The following KANSL1L variants were observed in gnomAD, a reference collection of about 807,000 sequenced individuals.
The protein encoded by KANSL1L is KAT8 regulatory NSL complex subunit 1 like, also known as KAT8 regulatory NSL complex subunit 1-like protein.
In KANSL1L, 25 loss-of-function variants were observed where a neutral mutation model predicts 108.6. The ratio of observed to expected loss-of-function variants is 0.23; its 90% confidence interval spans 0.17 to 0.32. The LOEUF (loss-of-function observed/expected upper bound fraction) is 0.32. KANSL1L is among the 10% of genes least tolerant of loss of function. The probability of loss-of-function intolerance (pLI) is 1.00; values close to 1 mark genes in which losing one functional copy is unlikely to be tolerated. For missense variants in KANSL1L, 1,137 were observed against 1,125.7 expected (o/e 1.01, Z -0.14); for synonymous variants, 405 against 395.1 (o/e 1.03, Z -0.30).
chr2:210,118,261 G>A (rs1482011915), intron 3 of KANSL1L, among the ~76,000 whole-genome samples: 1 of 150,948 alleles, frequency 6.6e-6, no homozygotes, highest in Admixed American at 6.6e-5. Context: ...TTGAGGTCAG[G>A]AGTTCAAGAC....
chr2:210,065,091 C>G (rs1041367901), intron 6 of KANSL1L, among the ~76,000 whole-genome samples: 1 of 151,194 alleles, frequency 6.6e-6, no homozygotes, highest in African/African-American at 2.4e-5. Context: ...GTTAGGAGTT[C>G]GAGACCAGCA....
At chr2:210,155,807 C>T (rs1050000572) in intron 1 of KANSL1L, among the ~76,000 whole-genome samples, 1 of 152,052 alleles carries the variant, frequency 6.6e-6, no homozygotes, top group Non-Finnish European at 1.5e-5. Flanking sequence ...ACCTGATATG[C>T]CAAAATTTTT....
At chr2:210,023,644 G>T (rs1168903243) in intron 14 of KANSL1L, among the ~76,000 whole-genome samples, 1 of 152,212 alleles carries the variant, frequency 6.6e-6, no homozygotes, top group East Asian at 1.9e-4. Flanking sequence ...TATGGATGCA[G>T]TGTTAGAAAG....
rs745707638 is a variant in KANSL1L at position 210,104,196 on chromosome 2, C to A, written c.1336G>T (p.Val446Phe). 2.5e-6 allele frequency: 4 copies of A among 1,612,822 alleles called. No individual in the cohort carries two copies. Among genetic ancestry groups the A allele is most frequent in the South Asian group, 1.1e-5 (1 of 91,058 alleles). ...ACAGGATCTTGACACTCCTGGGGAA[C>A]CTGAGGATTCCCTAGAATGTTTAGT... ...ASLNILGNPQ[V>F]PQECQDPVPE... The change falls in exon 4 of 15, where the codon GTT (valine) becomes TTT (phenylalanine). Residue 446 changes from valine to phenylalanine, a missense_variant. By Grantham distance (50) the Val-to-Phe change is conservative. Transcript: ENST00000281772.
At chr2:210,065,483 TG>T (rs1169120839) in intron 6 of KANSL1L, among the ~76,000 whole-genome samples, 1 of 151,458 alleles carries the variant, frequency 6.6e-6, no homozygotes, top group African/African-American at 2.4e-5. Context: ...AGTAAAACTG[TG>T]GCCTCAGTGT....
In KANSL1L at chr2:210,025,124, C is replaced by G; in HGVS notation, c.2544G>C (p.Lys848Asn). The change falls in exon 13 of 15, where the codon AAG becomes AAC. Residue 848 changes from lysine to asparagine, a missense_variant. Physicochemically the swap from Lys to Asn is moderately conservative, Grantham distance 94. This residue lies in a region of KANSL1L where 575 missense variants were observed against 567.1 expected (regional missense o/e 1.01). Coordinates refer to ENST00000281772, the MANE Select transcript of KANSL1L (RefSeq NM_152519.4). ...CCTGCCTGCTGTTTCTTCTGTGCCA[C>G]TTGCTTTGCTCCCATAGTGACCACC... ...QARWSLWEQS[K>N]WHRRNSRAYS... is the part of the protein sequence containing the mutation. The G allele has an allele frequency of 6.2e-7, 1 of 1,611,528 alleles. No individual in the cohort carries two copies. The highest frequency in any genetic ancestry group is 8.5e-7 in the Non-Finnish European group (1 of 1,177,648).
In KANSL1L at chr2:210,078,238, G is replaced by T. The variant is rs142545357; in HGVS notation, c.1551-2482C>A. 3.6e-3 allele frequency among the ~76,000 whole-genome samples: 547 copies of T among 152,228 alleles called. 6 individuals carry two copies. Among genetic ancestry groups the T allele is most frequent in the African/African-American group, 0.012 (516 of 41,540 alleles). The stretch of plus-strand genomic sequence containing the variant: ...ATAGTTACAATGTCACTAGATAATA[G>T]AAATTTTTCAGCTTCATTATAATCT... On this transcript the variant is annotated intron_variant, in intron 5 of 14. Transcript: ENST00000281772.
intron 6 of KANSL1L, among the ~76,000 whole-genome samples, chr2:210,048,330 ATTC>A (rs66785984): frequency 0.086 from 13,086 of 151,992 alleles, 601 homozygotes; most frequent in Middle Eastern, 0.15. Context: ...ATTTTTATTA[ATTC>A]TTTTTTCATA....
At chr2:210,059,093 A>AC (rs2094391269) in intron 6 of KANSL1L, among the ~76,000 whole-genome samples, 1 of 144,338 alleles carries the variant, frequency 6.9e-6, no homozygotes, top group African/African-American at 2.6e-5. Flanking sequence ...ACCTGAGACC[A>AC]CGTCACTGCA....
intron 3 of KANSL1L, among the ~76,000 whole-genome samples, chr2:210,112,563 T>C (rs149312742): frequency 2.0e-3 from 307 of 152,322 alleles, no homozygotes; most frequent in Admixed American, 3.2e-3. Context: ...AAAGTTTAAG[T>C]GTCCAGAGAC....
rs1299451236 is a variant in KANSL1L, at chr2:210,023,101, C to A, written c.2812G>T (p.Asp938Tyr). ...GCTGTGCTTGACCTTTCAACCTGAT[C>A]CTTTTTTTCATCTTGACATAATAAG... ...AALLCQDEKK[D>Y]QVERSSTAFH... The change falls in exon 15 of 15, where the codon GAT becomes TAT. Residue 938 changes from aspartate to tyrosine, a missense_variant. This residue lies in a region of KANSL1L where 575 missense variants were observed against 567.1 expected (regional missense o/e 1.01). Coordinates refer to ENST00000281772, the MANE Select transcript of KANSL1L (RefSeq NM_152519.4). 6.2e-7 allele frequency: 1 copy of A among 1,614,020 alleles called. No individual in the cohort carries two copies. The highest frequency in any genetic ancestry group is 1.1e-5 in the South Asian group (1 of 91,076).
chr2:210,056,440 A>T (rs534713909), intron 6 of KANSL1L, among the ~76,000 whole-genome samples: 11 of 152,118 alleles, frequency 7.2e-5, no homozygotes, highest in African/African-American at 1.4e-4. Flanking sequence ...ATCATCATCA[A>T]CGTCATTCAC....
intron 6 of KANSL1L, among the ~76,000 whole-genome samples, chr2:210,074,219 G>T (rs1265288740): frequency 6.6e-6 from 1 of 152,012 alleles, no homozygotes; most frequent in African/African-American, 2.4e-5. Flanking sequence ...TTTCATCTTT[G>T]TTCCAATTAT....
At chr2:210,064,720 G>GA (rs2094450455) in intron 6 of KANSL1L, among the ~76,000 whole-genome samples, 1 of 149,482 alleles carries the variant, frequency 6.7e-6, no homozygotes, top group African/African-American at 2.5e-5. Flanking sequence ...GAGGTGGGAG[G>GA]ACTGCTTGAG....
At chr2:210,102,811 G>A (rs1011035805) in intron 4 of KANSL1L, among the ~76,000 whole-genome samples, 1 of 152,132 alleles carries the variant, frequency 6.6e-6, no homozygotes, top group African/African-American at 2.4e-5. Context: ...AACAAGTCAG[G>A]AAACAACAGG....
intron 3 of KANSL1L, among the ~76,000 whole-genome samples, chr2:210,122,895 C>T (rs1359128216): frequency 6.6e-6 from 1 of 151,784 alleles, no homozygotes; most frequent in Admixed American, 6.6e-5. Context: ...ATGAATAGAC[C>T]TTTCTCAAAA....
At chr2:210,150,305 G>A (rs2095293408) in intron 2 of KANSL1L, among the ~76,000 whole-genome samples, 1 of 152,002 alleles carries the variant, frequency 6.6e-6, no homozygotes, top group Admixed American at 6.6e-5. Flanking sequence ...GGCAGAGTTG[G>A]TGAAAAATAG....
At chr2:210,142,654 T>C (rs547468430) in intron 2 of KANSL1L, among the ~76,000 whole-genome samples, 50 of 152,304 alleles carry the variant, frequency 3.3e-4, no homozygotes, top group African/African-American at 1.2e-3. Context: ...CATAGTTTTG[T>C]AAACTGTGTT....
chr2:210,057,496 T>C (rs955819556), intron 6 of KANSL1L, among the ~76,000 whole-genome samples: 2 of 152,128 alleles, frequency 1.3e-5, no homozygotes, highest in South Asian at 4.1e-4. Context: ...GGTCAGGAGA[T>C]TGAGACCATC....
Sources: gnomAD v4.1 joint callset for allele counts (sites outside exome capture counted in the v4.1 genomes callset) on GRCh38, gnomAD v4.1.1 for gene constraint, gnomAD v4.1.1 regional missense constraint, MANE v1.5 for transcripts, NCBI Gene and HGNC (gene_info 2026-07-23, HGNC 2026-07-21) for gene names.